Variants in ST7 observed in about 807,000 individuals in gnomAD.
ST7 encodes the protein suppression of tumorigenicity 7.
In ST7, 28 loss-of-function variants were observed where a neutral mutation model predicts 78.7. The observed-to-expected ratio is 0.36, with a 90% CI of 0.26 to 0.49. ST7 has a LOEUF of 0.49. ST7 is among the 20% of genes least tolerant of loss of function. The pLI, the probability that ST7 is intolerant of heterozygous loss-of-function variation, is 0.99. For synonymous variants in ST7, 247 were observed against 249.6 expected (o/e 0.99, Z 0.10); for missense variants, 418 against 696.0 (o/e 0.60, Z 4.49).
chr7:117,130,355 A>C (rs1054742039), intron 4 of ST7, 136 bp from the exon 5 acceptor site: 4 of 507,042 alleles, frequency 7.9e-6, no homozygotes, highest in South Asian at 4.0e-5. Context: ...ATTTTTAAAA[A>C]TTTTTTTTAT....
At chr7:117,147,224 T>G (rs1805865189) in intron 9 of ST7, among the ~76,000 whole-genome samples, 1 of 152,164 alleles carries the variant, frequency 6.6e-6, no homozygotes, top group African/African-American at 2.4e-5. Context: ...ACTTAACCTT[T>G]CCTCTAGTGA....
At chr7:117,054,127 C>T (rs1010852948) in intron 1 of ST7, among the ~76,000 whole-genome samples, 21 of 152,088 alleles carry the variant, frequency 1.4e-4, no homozygotes, top group Non-Finnish European at 2.6e-4. Context: ...CATGAGCCAC[C>T]GTGCCCGCCG....
chr7:117,229,463 T>TG (rs1433218868), intron 15 of ST7, among the ~76,000 whole-genome samples: 1 of 152,236 alleles, frequency 6.6e-6, no homozygotes, highest in Non-Finnish European at 1.5e-5. Flanking sequence ...GTCATCTGCA[T>TG]GGCAGCTGGC....
chr7:117,092,897 G>A (rs1264723776), intron 1 of ST7, among the ~76,000 whole-genome samples: 1 of 152,114 alleles, frequency 6.6e-6, no homozygotes, highest in East Asian at 1.9e-4. Context: ...TTCATCCCTT[G>A]CAATGAAAAC....
At chr7:117,082,732 AAAT>A (rs1486141559) in intron 1 of ST7, among the ~76,000 whole-genome samples, 5 of 152,252 alleles carry the variant, frequency 3.3e-5, no homozygotes, top group African/African-American at 1.2e-4. Context: ...GCCAGACAGT[AAAT>A]ATTTTCAGCT....
intron 1 of ST7, among the ~76,000 whole-genome samples, chr7:116,993,349 A>G (rs746490023): frequency 1.3e-5 from 2 of 152,196 alleles, no homozygotes; most frequent in Admixed American, 6.6e-5. Context: ...CACTTCTTAC[A>G]TGGCAGCAGA....
chr7:117,100,578 C>T (rs1215898485), intron 2 of ST7, among the ~76,000 whole-genome samples: 1 of 151,844 alleles, frequency 6.6e-6, no homozygotes, highest in African/African-American at 2.4e-5. Context: ...TGGATTGTGA[C>T]AATTCTAAGT....
In ST7 at chr7:117,219,728, C is replaced by T. The variant is rs114345665; in HGVS notation, c.1498+552C>T. On this transcript the variant is annotated intron_variant, in intron 14 of 15. Coordinates refer to ENST00000323984, the MANE Select transcript of ST7 (RefSeq NM_001369598.1). This position sits in a 1 kb window ranked among gnomAD's most constrained non-coding sequence, Gnocchi z 5.1. Reference sequence around the variant, plus strand: ...ACCTCGTGGGTTGCATGTAGTGACTCGGAGTACCATGTGCAGAGCACACGT... The same window carrying T: ...ACCTCGTGGGTTGCATGTAGTGACTTGGAGTACCATGTGCAGAGCACACGT... Among the ~76,000 whole-genome samples the T allele has an allele frequency of 7.7e-3, 1,175 of 152,310 alleles. 19 individuals are homozygous for T. The highest frequency in any genetic ancestry group is 0.026 in the African/African-American group (1,090 of 41,540).
At chr7:117,134,338 A>G in intron 7 of ST7, 146 bp downstream of exon 7, 2 of 1,244,462 alleles carry the variant, frequency 1.6e-6, no homozygotes, top group Non-Finnish European at 2.2e-6. Context: ...TATATCTTCC[A>G]TCGAGCTGAG....
intron 1 of ST7, chr7:116,959,567 A>G (rs1389497088): frequency 4.5e-6 from 1 of 224,618 alleles, no homozygotes; most frequent in Non-Finnish European, 8.8e-6. Context: ...GATCAAATGC[A>G]TTACTGAGTA....
At chr7:117,158,546 T>G (rs1806879574) in intron 9 of ST7, among the ~76,000 whole-genome samples, 1 of 152,240 alleles carries the variant, frequency 6.6e-6, no homozygotes, top group Non-Finnish European at 1.5e-5. Context: ...AGTGAAGAAC[T>G]TGTTAACTGG....
intron 10 of ST7, among the ~76,000 whole-genome samples, chr7:117,183,853 G>A (rs1310699303): frequency 6.6e-6 from 1 of 152,200 alleles, no homozygotes. Context: ...CAATTCAAAT[G>A]TCCTTTATCA....
intron 6 of ST7, among the ~76,000 whole-genome samples, chr7:117,133,290 A>G (rs959844445): frequency 4.6e-5 from 7 of 151,950 alleles, no homozygotes; most frequent in Admixed American, 3.3e-4. Flanking sequence ...TCAACTATCC[A>G]CAGAGAGCAA....
chr7:116,985,611 CCTT>C (rs575942423), intron 1 of ST7, among the ~76,000 whole-genome samples: 27 of 152,038 alleles, frequency 1.8e-4, no homozygotes, highest in Non-Finnish European at 2.8e-4. Context: ...AGACATAGTC[CCTT>C]CTTTCATGAA....
chr7:117,121,136 C>T (rs370426851), intron 3 of ST7, among the ~76,000 whole-genome samples: 77 of 152,348 alleles, frequency 5.1e-4, no homozygotes, highest in Middle Eastern at 3.4e-3. Flanking sequence ...CACAATTAAT[C>T]TGTGGGATAT....
chr7:117,184,200 G>A (rs529554536), intron 10 of ST7: 54 of 152,368 alleles, frequency 3.5e-4, no homozygotes, highest in African/African-American at 1.2e-3. Context: ...CTTTGACTAA[G>A]TGAGAAACAT....
chr7:117,107,911 G>A (rs370779657), intron 2 of ST7, among the ~76,000 whole-genome samples: 6 of 151,140 alleles, frequency 4.0e-5, no homozygotes, highest in African/African-American at 7.3e-5. Flanking sequence ...CACTGCACCC[G>A]GCCCTTAGCC....
intron 1 of ST7, among the ~76,000 whole-genome samples, chr7:117,078,383 C>T (rs1275157629): frequency 1.3e-5 from 2 of 152,212 alleles, no homozygotes; most frequent in East Asian, 3.8e-4. Context: ...GAGCATTGCT[C>T]ATTAGTTGCT....
chr7:117,224,378 G>T (rs890983459), intron 15 of ST7, among the ~76,000 whole-genome samples: 149 of 152,108 alleles, frequency 9.8e-4, no homozygotes, highest in African/African-American at 3.5e-3. Context: ...CACCCATATT[G>T]CTGCCTTGGA....
Sources: allele counts gnomAD v4.1 joint callset (sites outside exome capture counted in the v4.1 genomes callset), GRCh38; gene constraint gnomAD v4.1.1; non-coding constraint Gnocchi (gnomAD v3.1); transcripts MANE v1.5; gene names NCBI Gene and HGNC (gene_info 2026-07-23, HGNC 2026-07-21).